Variants in TMC5 observed in about 807,000 individuals in gnomAD.
The protein encoded by TMC5 is transmembrane channel like 5, also known as transmembrane channel-like protein 5.
A neutral mutation model predicts 110.5 loss-of-function variants in TMC5; 86 were observed. The ratio of observed to expected loss-of-function variants is 0.78; its 90% confidence interval spans 0.65 to 0.93. The LOEUF is 0.93. Among genes scored for constraint, TMC5 ranks in the 40% least tolerant of loss-of-function variants. The pLI, the probability that TMC5 is intolerant of heterozygous loss-of-function variation, is 0.00. For synonymous variants in TMC5, 455 were observed against 439.5 expected (o/e 1.04, Z -0.44); for missense variants, 1,144 against 1,222.8 (o/e 0.94, Z 0.96).
upstream of TMC5, among the ~76,000 whole-genome samples, chr16:19,413,803 C>CTGCCTCTGCCACTTTCT (rs933891601): frequency 6.6e-6 from 1 of 152,142 alleles, no homozygotes; most frequent in Admixed American, 6.5e-5. Context: ...GGTTAAAATC[C>CTGCCTCTGCCACTTTCT]TGCCTCTGCC....
In TMC5 at chr16:19,486,940, C is replaced by T; in HGVS notation, c.2364-5C>T. On this transcript the variant is annotated splice_region_variant and splice_polypyrimidine_tract_variant and intron_variant, in intron 15 of 21. Transcript: ENST00000542583. ...CCTCTGACACTCACCCTCTCTCCCT[C>T]ACAGGATTGGCATCTTCTTCTGCCC... 1 of 1,613,848 alleles carries T rather than the reference C, an allele frequency of 6.2e-7. No individual in the cohort carries two copies. The highest frequency in any genetic ancestry group is 8.5e-7 in the Non-Finnish European group (1 of 1,179,810).
At chr16:19,443,519 T>C (rs1416224943) in intron 3 of TMC5, among the ~76,000 whole-genome samples, 1 of 152,230 alleles carries the variant, frequency 6.6e-6, no homozygotes, top group Non-Finnish European at 1.5e-5. Context: ...TGTAGTATAA[T>C]TGCTCATAGC....
chr16:19,472,676 C>T (rs1169126212), intron 11 of TMC5, among the ~76,000 whole-genome samples: 2 of 152,116 alleles, frequency 1.3e-5, no homozygotes, highest in African/African-American at 4.8e-5. Flanking sequence ...CTTGCAACAT[C>T]TCTATGAGTC....
At chr16:19,471,370 T>G (rs764767538) in intron 10 of TMC5, among the ~76,000 whole-genome samples, 1 of 152,018 alleles carries the variant, frequency 6.6e-6, no homozygotes, top group Non-Finnish European at 1.5e-5. Context: ...GAAATTCAGG[T>G]GTGAGCCACC....
rs1192959158 is a variant in TMC5 at position 19,490,946 on chromosome 16, T to TC, written c.2747+380dup. On this transcript the variant is annotated intron_variant, in intron 18 of 21. Coordinates refer to ENST00000542583, the MANE Select transcript of TMC5 (RefSeq NM_001261841.2). ...CTTTCTCCCTTCCCCTCCCTTCCCT[T>TC]CCTTTCCCCTTCCCCTCCCTTCCCT... 1.8e-3 allele frequency among the ~76,000 whole-genome samples: 171 copies of TC among 96,144 alleles called. 4 individuals carry two copies. Among genetic ancestry groups the TC allele is most frequent in the African/African-American group, 4.1e-3 (120 of 29,482 alleles). The allele number at this position is 96,144 out of a possible 152,430, so 63.1% of individuals were successfully genotyped here.
At chr16:19,415,624 C>T (rs1966872960), upstream of TMC5, among the ~76,000 whole-genome samples, 3 of 152,174 alleles carry the variant, frequency 2.0e-5, no homozygotes, top group African/African-American at 7.2e-5. Flanking sequence ...GACTTCTTGC[C>T]AGGAGCTCGT....
chr16:19,426,040 CA>C (rs1166492190), intron 1 of TMC5, among the ~76,000 whole-genome samples: 4 of 152,190 alleles, frequency 2.6e-5, no homozygotes, highest in African/African-American at 9.7e-5. Context: ...AATGCCTGTC[CA>C]GATCTTAGAA....
intron 5 of TMC5, chr16:19,457,155 C>G (rs1339173558): frequency 4.2e-6 from 3 of 708,706 alleles, no homozygotes; most frequent in Non-Finnish European, 6.8e-6. Flanking sequence ...TTTGGGAGGC[C>G]AAGATAAGAG....
intron 19 of TMC5, among the ~76,000 whole-genome samples, chr16:19,492,984 AG>A (rs1968954085): frequency 7.2e-6 from 1 of 138,128 alleles, no homozygotes; most frequent in Admixed American, 7.6e-5. Context: ...ATTTTGAGAC[AG>A]AGTTTCACTC....
chr16:19,496,197 T>G (rs1039878325), intron 20 of TMC5, among the ~76,000 whole-genome samples: 2 of 152,016 alleles, frequency 1.3e-5, no homozygotes, highest in African/African-American at 4.8e-5. Context: ...TTTGTGAATA[T>G]TTCTGCCACA....
chr16:19,463,854 G>T lies in TMC5; in HGVS notation c.1315G>T (p.Gly439Ter). 1.9e-6 allele frequency: 3 copies of T among 1,614,214 alleles called. No individual in the cohort carries two copies. The highest frequency in any genetic ancestry group is 2.5e-6 in the Non-Finnish European group (3 of 1,180,048). ...GTGGCAGAAGACGCTGAAGATCATTGGAGGCAAGTTTGGAACCAGCGTCCT... is the reference window on the plus strand; with the variant it reads ...GTGGCAGAAGACGCTGAAGATCATTTGAGGCAAGTTTGGAACCAGCGTCCT... The part of the protein sequence containing the change: ...SLWQKTLKII[G>*]GKFGTSVLSY... Residue 439 changes from glycine (G) to a stop codon, truncating the protein, a stop_gained, in exon 8 of 22, where the codon GGA becomes TGA. Transcript: ENST00000542583. LOFTEE classifies it high-confidence loss of function.
intron 5 of TMC5, among the ~76,000 whole-genome samples, chr16:19,450,395 G>A (rs1288738791): frequency 6.6e-6 from 1 of 152,224 alleles, no homozygotes; most frequent in African/African-American, 2.4e-5. Context: ...TTTGTTGAAT[G>A]AGTACAGAAA....
intron 18 of TMC5, 138 bp downstream of exon 18, chr16:19,490,706 TTTTC>T (rs1231781185): frequency 1.5e-6 from 1 of 659,060 alleles, no homozygotes; most frequent in Non-Finnish European, 2.5e-6. Flanking sequence ...GCATAGGTAG[TTTTC>T]TTTCCTTCCT....
intron 2 of TMC5, among the ~76,000 whole-genome samples, chr16:19,435,241 C>T (rs984373245): frequency 2.0e-5 from 3 of 151,692 alleles, no homozygotes; most frequent in East Asian, 1.9e-4. Flanking sequence ...CCTGTAATCC[C>T]AGCACTTTGG....
Position 19,464,382 on chromosome 16 carries a change from C to T in TMC5, c.1485+358C>T, listed in dbSNP as rs1200189776. On this transcript the variant is annotated intron_variant, in intron 8 of 21. Coordinates refer to ENST00000542583, the MANE Select transcript of TMC5 (RefSeq NM_001261841.2). ...GAGATTGCAGTGAAGCAAGATTCCC[C>T]CACTGCACTCCAGCCTGGGCAACAG... Among the ~76,000 whole-genome samples, 3 of 152,204 alleles carry T rather than the reference C, an allele frequency of 2.0e-5. No individual in the cohort carries two copies. In the East Asian group the frequency reaches 5.8e-4, roughly 29 times the overall value.
chr16:19,454,111 G>C (rs1036944004), intron 5 of TMC5, among the ~76,000 whole-genome samples: 5 of 152,008 alleles, frequency 3.3e-5, no homozygotes, highest in Non-Finnish European at 7.4e-5. Flanking sequence ...GGAGTGGAGT[G>C]ACCTCGGCTC....
intron 5 of TMC5, among the ~76,000 whole-genome samples, chr16:19,455,447 T>G (rs971636732): frequency 6.6e-6 from 1 of 152,082 alleles, no homozygotes; most frequent in Non-Finnish European, 1.5e-5. Flanking sequence ...TAAAAATTTT[T>G]AAAAAGCAAA....
rs187984049 is a variant in TMC5, at chr16:19,439,863, C to T, written c.-79-97C>T. The T allele has an allele frequency of 4.7e-4, 281 of 599,048 alleles. 2 individuals carry two copies. Among genetic ancestry groups the T allele is most frequent in the African/African-American group, 4.4e-3 (235 of 53,692 alleles). The allele number at this position is 599,048 out of a possible 1,614,324, so 37.1% of individuals were successfully genotyped here. A position where few individuals can be genotyped will look rare whatever the true frequency, so the allele number is the denominator to read the frequency against. ...TTCTAGGCAGTTGTGTACCTGACTA[C>T]GAACGAAAGGAGAACAGATACTGGA... On this transcript the variant is annotated intron_variant, in intron 2 of 21. Coordinates refer to ENST00000542583, the MANE Select transcript of TMC5 (RefSeq NM_001261841.2).
chr16:19,439,907 G>T (rs1229750292), intron 2 of TMC5, 53 bp from the exon 3 acceptor site: 3 of 738,270 alleles, frequency 4.1e-6, no homozygotes, highest in Non-Finnish European at 6.7e-6. Flanking sequence ...AGCAATCTCT[G>T]CAGGGAAGAA....
Sources: allele counts gnomAD v4.1 joint callset (sites outside exome capture counted in the v4.1 genomes callset), GRCh38; gene constraint gnomAD v4.1.1; transcripts MANE v1.5; gene names NCBI Gene and HGNC (gene_info 2026-07-23, HGNC 2026-07-21).